Variants in OTOF observed in about 807,000 individuals in gnomAD.
The protein encoded by OTOF is fer-1-like family member 2.
A neutral mutation model predicts 236.8 loss-of-function variants in OTOF; 218 were observed. The ratio of observed to expected loss-of-function variants is 0.92; its 90% CI spans 0.82 to 1.03. The LOEUF is 1.03. OTOF is among the 50% of genes least tolerant of loss of function. OTOF has a pLI of 0.00. For synonymous variants in OTOF, 1,041 were observed against 1,072.5 expected, an observed-to-expected ratio of 0.97 and a Z score of 0.57; for missense variants, 2,590 against 2,694.4, an observed-to-expected ratio of 0.96 and a Z score of 0.86.
intron 2 of OTOF, among the ~76,000 whole-genome samples, chr2:26,528,517 C>T (rs1241128010): frequency 6.6e-6 from 1 of 152,228 alleles, no homozygotes; most frequent in Admixed American, 6.5e-5. Context: ...CACAGCCTGT[C>T]CCCAACTCAT....
rs753045052 is a variant in OTOF, at chr2:26,461,758, A to T, written c.5471T>A (p.Ile1824Asn). 6.2e-7 allele frequency: 1 copy of T among 1,613,944 alleles called. No homozygotes were observed. Among genetic ancestry groups the T allele is most frequent in the Non-Finnish European group, 8.5e-7 (1 of 1,179,996 alleles). ...MFSWDETEYK[I>N]PARLTLQIWD... Reference sequence around the variant, plus strand: ...GATCTGCAGGGTGAGCCGCGCGGGGATCTTGTACTCGGTCTCGTCCCAGGA... The same window carrying T: ...GATCTGCAGGGTGAGCCGCGCGGGGTTCTTGTACTCGGTCTCGTCCCAGGA... Residue 1824 changes from isoleucine (I) to asparagine (N), a missense_variant, in exon 43 of 47, where the codon ATC becomes AAC. Ile to Asn is a moderately radical substitution (Grantham distance 149). Around this residue, in one of 2 missense-constraint regions of OTOF, gnomAD observed 1,211 missense variants for 1,352.8 expected, o/e 0.90. Transcript: ENST00000272371. The surrounding 1 kb of genome is among the most constrained non-coding windows in gnomAD (Gnocchi z 6.2).
At chr2:26,530,106 A>G (rs1666908531) in intron 2 of OTOF, among the ~76,000 whole-genome samples, 1 of 147,332 alleles carries the variant, frequency 6.8e-6, no homozygotes, top group East Asian at 2.0e-4. Context: ...TTTACTGGGG[A>G]TGAAGAGGGG....
rs1397457555 is a variant in OTOF, at chr2:26,463,513, G to A, written c.5162C>T (p.Pro1721Leu). 6.2e-6 allele frequency: 10 copies of A among 1,608,340 alleles called. No individual in the cohort carries two copies. Among genetic ancestry groups the A allele is most frequent in the Non-Finnish European group, 5.1e-6 (6 of 1,177,806 alleles). Reference protein sequence around the residue: ...FPMDMPAPGTPLDISPRKPKK... With the variant: ...FPMDMPAPGTLLDISPRKPKK... ...GGGCTTCCGAGGTGAGATGTCCAGA[G>A]GCGTCCCAGGGGCTGGCATGTCCAT... is the stretch of plus-strand genomic sequence containing the variant. The change falls in exon 41 of 47, where the codon CCT becomes CTT. Residue 1721 changes from proline (P) to leucine (L), a missense_variant. Physicochemically the swap from Pro to Leu is moderately conservative, Grantham distance 98. This residue lies in a region of OTOF where 1,211 missense variants were observed against 1,352.8 expected (regional missense o/e 0.90). Transcript: ENST00000272371.
Position 26,510,615 on chromosome 2 carries a change from C to T in OTOF, c.509+5803G>A, listed in dbSNP as rs112962157. The T allele has an allele frequency of 2.9e-4, 243 of 840,102 alleles. 2 individuals carry two copies. The African/African-American group carries it at 3.0e-3, about 10-fold the overall frequency. The allele number at this position is 840,102 out of a possible 1,614,324, so 52.0% of individuals were successfully genotyped here. On this transcript the variant is annotated intron_variant, in intron 5 of 46. Coordinates refer to ENST00000272371, the MANE Select transcript of OTOF (RefSeq NM_194248.3). ...CAGCCCACTCCTGAGCCCTCTCAGC[C>T]GAGCCCATCCCGCCCTCCACAGCCT...
intron 31 of OTOF, 120 bp downstream of exon 31, chr2:26,471,001 T>C: frequency 7.7e-7 from 1 of 1,306,488 alleles, no homozygotes; most frequent in Non-Finnish European, 1.1e-6. Flanking sequence ...GGAGGTGTGC[T>C]GGCCCAAGCA....
chr2:26,514,945 T>C (rs1451244178), intron 5 of OTOF, among the ~76,000 whole-genome samples: 2 of 152,194 alleles, frequency 1.3e-5, no homozygotes, highest in Non-Finnish European at 2.9e-5. Flanking sequence ...TGAGTCAGCA[T>C]CCCTTCACTC....
Position 26,547,519 on chromosome 2 carries a change from A to T in OTOF, c.80-9745T>A, listed in dbSNP as rs922489129. 3.9e-5 allele frequency among the ~76,000 whole-genome samples: 6 copies of T among 152,248 alleles called. No individual in the cohort carries two copies. In the South Asian group the frequency reaches 1.2e-3, roughly 32 times the overall value. ...TATTTTCTGAAAGAGTTTGTGTAAGATTGTTATTACGTTTTCCTTTCAATG... is the reference window on the plus strand; with the variant it reads ...TATTTTCTGAAAGAGTTTGTGTAAGTTTGTTATTACGTTTTCCTTTCAATG... On this transcript the variant is annotated intron_variant, in intron 1 of 46. Coordinates refer to ENST00000272371, the MANE Select transcript of OTOF (RefSeq NM_194248.3).
At chr2:26,552,454 A>G (rs562394129) in intron 1 of OTOF, among the ~76,000 whole-genome samples, 11 of 152,242 alleles carry the variant, frequency 7.2e-5, no homozygotes, top group African/African-American at 2.4e-4. Flanking sequence ...AGTGGCTAAG[A>G]TAACCAAGAC....
At chr2:26,486,257 G>A (rs1161935004) in intron 11 of OTOF, among the ~76,000 whole-genome samples, 4 of 150,912 alleles carry the variant, frequency 2.7e-5, no homozygotes, top group Admixed American at 2.6e-4. Flanking sequence ...TGGATGGGTG[G>A]GTGGGTGGAT....
chr2:26,464,017 C>T lies in OTOF; in HGVS notation c.5050G>A (p.Glu1684Lys), dbSNP rs766572693. Residue 1684 changes from glutamate (E) to lysine (K), a missense_variant, in exon 40 of 47, where the codon GAG becomes AAG. By Grantham distance (56) the Glu-to-Lys change is moderately conservative. Around this residue, in one of 2 missense-constraint regions of OTOF, gnomAD observed 1,211 missense variants for 1,352.8 expected, o/e 0.90. Coordinates refer to ENST00000272371, the MANE Select transcript of OTOF (RefSeq NM_194248.3). Reference protein sequence around the residue: ...IPRAGCRLVPEHVETRPLLNP... With the variant: ...IPRAGCRLVPKHVETRPLLNP... ...AGCAGCGGCCTCGTCTCCACATGCT[C>T]TGGCACCAGGCGGCAGCCTGCGCGG... The T allele has an allele frequency of 1.9e-6, 3 of 1,613,798 alleles. No homozygotes were observed. Among genetic ancestry groups the T allele is most frequent in the Non-Finnish European group, 2.5e-6 (3 of 1,180,024 alleles).
At chr2:26,481,830 A>C (rs968829885) in intron 14 of OTOF, among the ~76,000 whole-genome samples, 5 of 152,134 alleles carry the variant, frequency 3.3e-5, no homozygotes, top group Non-Finnish European at 7.4e-5. Context: ...TTTCACATAC[A>C]TGGATCAGAC....
chr2:26,506,962 C>T (rs1346686048), intron 5 of OTOF, among the ~76,000 whole-genome samples: 2 of 152,302 alleles, frequency 1.3e-5, no homozygotes, highest in African/African-American at 4.8e-5. Flanking sequence ...TGCACTCCAG[C>T]CTGGGCGACA....
intron 15 of OTOF, 96 bp from the exon 16 acceptor site, chr2:26,480,407 G>A: frequency 2.5e-6 from 2 of 795,574 alleles, no homozygotes; most frequent in Admixed American, 1.9e-5. Context: ...CCGTGGGGGT[G>A]GATGGTGGGG....
rs1815040 is a variant in OTOF at position 26,478,945 on chromosome 2, T to C, written c.2214+319A>G. Among the ~76,000 whole-genome samples, 94,714 of 152,206 alleles carry C rather than the reference T, an allele frequency of 0.62. 32,382 individuals carry two copies. Among genetic ancestry groups the C allele is most frequent in the East Asian group, 0.98 (5,072 of 5,164 alleles). On this transcript the variant is annotated intron_variant, in intron 18 of 46. Coordinates refer to ENST00000272371, the MANE Select transcript of OTOF (RefSeq NM_194248.3). ...AACTCCTGACCTCAGGTGATCCACC[T>C]GCCTTGGCCTCCCAAAGTGTTGGGA...
intron 1 of OTOF, among the ~76,000 whole-genome samples, chr2:26,539,001 C>CG (rs1231814426): frequency 6.6e-6 from 1 of 151,892 alleles, no homozygotes; most frequent in Non-Finnish European, 1.5e-5. Flanking sequence ...TTAGTAGAGA[C>CG]GGGGTTTCAC....
chr2:26,552,244 G>T (rs1286813950), intron 1 of OTOF, among the ~76,000 whole-genome samples: 5 of 152,144 alleles, frequency 3.3e-5, no homozygotes, highest in Non-Finnish European at 5.9e-5. Flanking sequence ...ACAAAAATTA[G>T]CTGAGCATGG....
chr2:26,473,998 C>A lies in OTOF; in HGVS notation c.3401G>T (p.Arg1134Leu), dbSNP rs397517943. ...MGIRPVLSKY[R>L]VEVLFWGLRD... is the part of the protein sequence containing the mutation. ...CACACAGAGCCCTCGCACCTCCACT[C>A]GGTACTTGCTGAGCACGGGCCGGAT... Residue 1134 changes from arginine (R) to leucine (L), a missense_variant, in exon 27 of 47, where the codon CGA (arginine) becomes CTA (leucine). Transcript: ENST00000272371. This position sits in a 1 kb window ranked among gnomAD's most constrained non-coding sequence, Gnocchi z 7.2. 2 of 1,612,780 alleles carry A rather than the reference C, an allele frequency of 1.2e-6. No homozygotes were observed. Among genetic ancestry groups the A allele is most frequent in the African/African-American group, 1.3e-5 (1 of 74,854 alleles).
At position 26,473,016 on chromosome 2, in the gene OTOF, C is replaced by T. The variant is rs1168100660; in HGVS notation, c.3733+116G>A. On this transcript the variant is annotated intron_variant, in intron 29 of 46. Coordinates refer to ENST00000272371, the MANE Select transcript of OTOF (RefSeq NM_194248.3). The surrounding 1 kb of genome is among the most constrained non-coding windows in gnomAD (Gnocchi z 7.2). ...CACCAGGGTGACCTTCTTCTATGCC[C>T]ACCCCCTCGGCCCCAAAGAGCAAAC... 3 of 1,150,868 alleles carry T rather than the reference C, an allele frequency of 2.6e-6. No individual in the cohort carries two copies. In the South Asian group the frequency reaches 4.4e-5, roughly 17 times the overall value. 71.3% of individuals were successfully genotyped at this position (1,150,868 alleles called of 1,614,324 possible).
intron 13 of OTOF, among the ~76,000 whole-genome samples, chr2:26,482,799 ATGTG>A (rs1412143062): frequency 1.7e-5 from 1 of 59,814 alleles, no homozygotes; most frequent in African/African-American, 6.6e-5. Context: ...GAGTGGATGC[ATGTG>A]TGTGTATGAG....
Sources: gnomAD v4.1 joint callset for allele counts (sites outside exome capture counted in the v4.1 genomes callset) on GRCh38, gnomAD v4.1.1 for gene constraint, gnomAD v4.1.1 regional missense constraint, Gnocchi (gnomAD v3.1) non-coding constraint, MANE v1.5 for transcripts, NCBI Gene and HGNC (gene_info 2026-07-23, HGNC 2026-07-21) for gene names.